The following MBD5 variants were observed in gnomAD, a reference collection of about 807,000 sequenced individuals.
MBD5 encodes the protein methyl-CpG-binding domain protein 5.
MBD5 carries 13 observed loss-of-function variants against 117.3 expected under a neutral mutation model. The observed-to-expected ratio is 0.11, with a 90% CI of 0.07 to 0.18. MBD5 has a LOEUF of 0.18. MBD5 is among the 10% of genes least tolerant of loss of function. The probability of loss-of-function intolerance (pLI) is 1.00; values close to 1 mark genes in which losing one functional copy is unlikely to be tolerated. For synonymous variants in MBD5, 727 were observed against 766.4 expected (o/e 0.95, Z 0.85); for missense variants, 1,879 against 2,093.8 (o/e 0.90, Z 2.00).
chr2:148,424,177 CAAAAAAAAAAAAAAAAAAAAA>C (rs56740583), intron 4 of MBD5, among the ~76,000 whole-genome samples: 30 of 53,460 alleles, frequency 5.6e-4, no homozygotes, highest in East Asian at 5.3e-3. Context: ...GACTCTGTCT[CAAAAAAAAAAAAAAAAAAAAA>C]AAAAAAAAAA....
intron 3 of MBD5, among the ~76,000 whole-genome samples, chr2:148,239,463 T>G (rs1177093196): frequency 1.3e-5 from 2 of 152,206 alleles, no homozygotes; most frequent in Non-Finnish European, 2.9e-5. Context: ...TTTATATTTA[T>G]AATCATACTT....
At chr2:148,143,499 A>T (rs1697367583) in intron 1 of MBD5, among the ~76,000 whole-genome samples, 1 of 152,162 alleles carries the variant, frequency 6.6e-6, no homozygotes, top group Admixed American at 6.5e-5. Flanking sequence ...ATTATACTTT[A>T]CGTTCTAGAG....
At position 148,389,303 on chromosome 2, in the gene MBD5, T is replaced by A. The variant is rs1330679848; in HGVS notation, c.-557+46967T>A. Reference sequence around the variant, plus strand: ...ATATATATATATATATATATATATATAACATTTTCTTTATCCAACCCAACC... The same window carrying A: ...ATATATATATATATATATATATATAAAACATTTTCTTTATCCAACCCAACC... On this transcript the variant is annotated intron_variant, in intron 4 of 13. Coordinates refer to ENST00000642680, the MANE Select transcript of MBD5 (RefSeq NM_001378120.1). 3.0e-4 allele frequency among the ~76,000 whole-genome samples: 33 copies of A among 108,672 alleles called. No individual in the cohort carries two copies. The East Asian group carries it at 6.2e-3, about 20-fold the overall frequency. The allele number at this position is 108,672 out of a possible 152,430, so 71.3% of individuals were successfully genotyped here.
chr2:148,212,714 A>C (rs750028998), intron 2 of MBD5, among the ~76,000 whole-genome samples: 11 of 152,188 alleles, frequency 7.2e-5, no homozygotes, highest in Admixed American at 2.0e-4. Context: ...GGGATTTTTT[A>C]TAATAACTTG....
intron 1 of MBD5, among the ~76,000 whole-genome samples, chr2:148,132,353 C>T (rs200802461): frequency 1.4e-3 from 202 of 142,612 alleles, no homozygotes; most frequent in East Asian, 0.01. Context: ...TATATATACA[C>T]ATATATATAT....
intron 1 of MBD5, among the ~76,000 whole-genome samples, chr2:148,033,261 C>T (rs924183828): frequency 1.3e-5 from 2 of 152,128 alleles, no homozygotes; most frequent in Non-Finnish European, 2.9e-5. Context: ...GTCAGCAATA[C>T]AGATGCCAAC....
intron 1 of MBD5, among the ~76,000 whole-genome samples, chr2:148,074,936 C>T (rs1695466148): frequency 1.3e-5 from 2 of 152,120 alleles, no homozygotes; most frequent in Admixed American, 6.5e-5. Context: ...ATAAAGACCT[C>T]CTCTAGAGAG....
rs566126582 is a variant in MBD5, at chr2:148,266,875, A to G, written c.-680+33480A>G. Among the ~76,000 whole-genome samples the G allele has an allele frequency of 5.9e-5, 9 of 152,276 alleles. No individual in the cohort carries two copies. The South Asian group carries it at 1.9e-3, about 32-fold the overall frequency. ...ATAAAACGCAAATTTCTTCCACATT[A>G]GTCTGTAAATAGAATCCTAGGTTTT... On this transcript the variant is annotated intron_variant, in intron 3 of 13. Coordinates refer to ENST00000642680, the MANE Select transcript of MBD5 (RefSeq NM_001378120.1).
At chr2:148,319,170 C>T (rs1205256834) in intron 3 of MBD5, among the ~76,000 whole-genome samples, 1 of 152,098 alleles carries the variant, frequency 6.6e-6, no homozygotes, top group Non-Finnish European at 1.5e-5. Context: ...TAGTGTAAAC[C>T]GGAGTCAGGT....
intron 1 of MBD5, among the ~76,000 whole-genome samples, chr2:148,164,186 G>A (rs965546173): frequency 4.6e-4 from 70 of 152,332 alleles, no homozygotes; most frequent in African/African-American, 1.7e-3. Flanking sequence ...TATGCAGATA[G>A]TAGCTGTTGT....
rs7558699 is a variant in MBD5, at chr2:148,364,752, T to C, written c.-557+22416T>C. On this transcript the variant is annotated intron_variant, in intron 4 of 13. Transcript: ENST00000642680. ...GATCAAAAAAGACAAAGAAGGGCTTTACATAATGGTAAAGGGATCAATGCA... is the reference window on the plus strand; with the variant it reads ...GATCAAAAAAGACAAAGAAGGGCTTCACATAATGGTAAAGGGATCAATGCA... Among the ~76,000 whole-genome samples the C allele has an allele frequency of 5.5e-3, 833 of 152,302 alleles. 9 individuals carry two copies. Among genetic ancestry groups the C allele is most frequent in the African/African-American group, 0.019 (808 of 41,554 alleles).
intron 1 of MBD5, among the ~76,000 whole-genome samples, chr2:148,140,445 T>G (rs186445121): frequency 4.3e-4 from 66 of 152,322 alleles, no homozygotes; most frequent in African/African-American, 1.5e-3. Context: ...TTATTTGCAT[T>G]TTGCCATCCC....
chr2:148,447,228 A>C, intron 4 of MBD5, among the ~76,000 whole-genome samples: 1 of 50,212 alleles, frequency 2.0e-5, no homozygotes, highest in African/African-American at 4.1e-5. Flanking sequence ...AGAAAGAAAG[A>C]AAGAAAGGGA....
At chr2:148,340,514 A>G (rs1297082253) in intron 3 of MBD5, among the ~76,000 whole-genome samples, 1 of 152,092 alleles carries the variant, frequency 6.6e-6, no homozygotes, top group Non-Finnish European at 1.5e-5. Context: ...TACAGTAATG[A>G]AGTAATTTCT....
chr2:148,383,604 T>A (rs1261477179), intron 4 of MBD5, among the ~76,000 whole-genome samples: 1 of 152,114 alleles, frequency 6.6e-6, no homozygotes, highest in Non-Finnish European at 1.5e-5. Context: ...TAACTCATTT[T>A]ATGAGGCCAG....
At chr2:148,222,037 C>A (rs1699698063) in intron 2 of MBD5, among the ~76,000 whole-genome samples, 1 of 152,018 alleles carries the variant, frequency 6.6e-6, no homozygotes, top group African/African-American at 2.4e-5. Context: ...GGTGTATGTT[C>A]TTGGCACATT....
intron 1 of MBD5, among the ~76,000 whole-genome samples, chr2:148,168,370 A>C (rs1284277958): frequency 6.6e-6 from 1 of 152,184 alleles, no homozygotes; most frequent in Non-Finnish European, 1.5e-5. Flanking sequence ...ACTTTCTAGC[A>C]CTGAAAAATA....
chr2:148,116,938 G>A (rs1177013538), intron 1 of MBD5, among the ~76,000 whole-genome samples: 4 of 152,154 alleles, frequency 2.6e-5, no homozygotes, highest in Non-Finnish European at 4.4e-5. Flanking sequence ...CTGATTAAGT[G>A]TATGATGAAC....
At chr2:148,375,416 G>T (rs1301881682) in intron 4 of MBD5, among the ~76,000 whole-genome samples, 2 of 152,168 alleles carry the variant, frequency 1.3e-5, no homozygotes, top group Non-Finnish European at 1.5e-5. Context: ...TTGATCCACT[G>T]CATGCAGCAC....
Sources: allele counts gnomAD v4.1 joint callset (sites outside exome capture counted in the v4.1 genomes callset), GRCh38; gene constraint gnomAD v4.1.1; transcripts MANE v1.5; gene names NCBI Gene and HGNC (gene_info 2026-07-23, HGNC 2026-07-21).